Variants in IGFBP2 observed in about 807,000 individuals in gnomAD.
The protein encoded by IGFBP2 is insulin like growth factor binding protein 2.
IGFBP2 carries 12 observed loss-of-function variants against 26.2 expected under a neutral mutation model. That is an observed-to-expected ratio of 0.46 (90% CI 0.29 to 0.74). IGFBP2 has a LOEUF of 0.74. IGFBP2 is among the 30% of genes least tolerant of loss of function. The probability of loss-of-function intolerance (pLI) is 0.09; values close to 1 mark genes in which losing one functional copy is unlikely to be tolerated. For synonymous variants in IGFBP2, 189 were observed against 200.6 expected (o/e 0.94, Z 0.49); for missense variants, 328 against 441.2 (o/e 0.74, Z 2.30).
chr2:216,645,901 C>T (rs769618598), intron 1 of IGFBP2, among the ~76,000 whole-genome samples: 14 of 152,150 alleles, frequency 9.2e-5, no homozygotes, highest in Non-Finnish European at 1.6e-4. Flanking sequence ...ATTTATGCCC[C>T]AGAAGTTAGG....
intron 1 of IGFBP2, among the ~76,000 whole-genome samples, chr2:216,639,250 G>A (rs950323142): frequency 2.6e-5 from 4 of 151,810 alleles, no homozygotes; most frequent in Non-Finnish European, 5.9e-5. Context: ...GGCCAGGTTG[G>A]TCTCAAACTC....
chr2:216,647,811 C>CAT (rs1697744329), intron 1 of IGFBP2, among the ~76,000 whole-genome samples: 2 of 152,126 alleles, frequency 1.3e-5, no homozygotes, highest in African/African-American at 2.4e-5. Context: ...TGAGCCACTG[C>CAT]GCCCGGCCCT....
At chr2:216,639,762 C>T (rs553662211) in intron 1 of IGFBP2, among the ~76,000 whole-genome samples, 4 of 152,134 alleles carry the variant, frequency 2.6e-5, no homozygotes, top group African/African-American at 9.6e-5. Flanking sequence ...CCTGCCTCAG[C>T]CCCCCAAGTA....
At chr2:216,661,782 C>A in intron 2 of IGFBP2, 76 bp from the exon 3 acceptor site, 2 of 1,564,198 alleles carry the variant, frequency 1.3e-6, no homozygotes, top group Non-Finnish European at 1.8e-6. Context: ...CAGCTTCTCG[C>A]TGAGCTTGCG....
chr2:216,647,589 G>A (rs551525654), intron 1 of IGFBP2, among the ~76,000 whole-genome samples: 4 of 151,994 alleles, frequency 2.6e-5, no homozygotes, highest in Admixed American at 6.6e-5. Flanking sequence ...GCGTGATCTC[G>A]GCTTACCGCA....
chr2:216,660,754 G>A lies in IGFBP2; in HGVS notation c.640G>A (p.Glu214Lys), dbSNP rs774248084. 16 of 1,608,472 alleles carry A rather than the reference G, an allele frequency of 9.9e-6. No individual in the cohort carries two copies. Among genetic ancestry groups the A allele is most frequent in the Non-Finnish European group, 1.3e-5 (15 of 1,177,842 alleles). Residue 214 changes from glutamate (E) to lysine (K), a missense_variant, in exon 2 of 4, where the codon GAG (glutamate) becomes AAG (lysine). Glu to Lys is a moderately conservative substitution (Grantham distance 56). Transcript: ENST00000233809. ...KGGKHHLGLEEPKKLRPPPAR... is the reference protein window; with the variant it reads ...KGGKHHLGLEKPKKLRPPPAR... ...TGGCAAGCATCACCTTGGCCTGGAG[G>A]AGCCCAAGAAGCTGCGACCACCCCC...
chr2:216,656,711 G>A (rs979480384), intron 1 of IGFBP2, among the ~76,000 whole-genome samples: 3 of 152,022 alleles, frequency 2.0e-5, no homozygotes, highest in Admixed American at 6.5e-5. Flanking sequence ...TGCCTTTCCC[G>A]TCTCCAACCA....
chr2:216,651,104 A>G (rs1697814602), intron 1 of IGFBP2, among the ~76,000 whole-genome samples: 1 of 152,180 alleles, frequency 6.6e-6, no homozygotes, highest in Non-Finnish European at 1.5e-5. Context: ...TTTGAAAAAA[A>G]AAGTCAGGGG....
chr2:216,645,235 G>C (rs568203978), intron 1 of IGFBP2, among the ~76,000 whole-genome samples: 1 of 152,288 alleles, frequency 6.6e-6, no homozygotes, highest in South Asian at 2.1e-4. Context: ...GGATAAAGGG[G>C]GTGGGGGTAG....
chr2:216,644,469 G>A (rs930087961), intron 1 of IGFBP2, among the ~76,000 whole-genome samples: 1 of 152,132 alleles, frequency 6.6e-6, no homozygotes. Flanking sequence ...AAAGGGAAGA[G>A]GGGGACTGAG....
At chr2:216,660,449 C>T (rs1026863191) in intron 1 of IGFBP2, 108 bp from the exon 2 acceptor site, 8 of 746,038 alleles carry the variant, frequency 1.1e-5, no homozygotes, top group East Asian at 2.7e-5. Context: ...ACTCATTAGC[C>T]GCGCGTCATC....
At chr2:216,637,723 G>A (rs761152058) in intron 1 of IGFBP2, among the ~76,000 whole-genome samples, 2 of 152,226 alleles carry the variant, frequency 1.3e-5, no homozygotes, top group Non-Finnish European at 2.9e-5. Flanking sequence ...TTGTATTCCC[G>A]AGGGTCTGCC....
chr2:216,655,434 G>T (rs1260801358), intron 1 of IGFBP2, among the ~76,000 whole-genome samples: 1 of 152,120 alleles, frequency 6.6e-6, no homozygotes. Flanking sequence ...GCTTCACCTG[G>T]CACTTCTTCC....
chr2:216,661,627 G>A (rs1328318654), intron 2 of IGFBP2: 5 of 614,868 alleles, frequency 8.1e-6, no homozygotes, highest in Non-Finnish European at 1.5e-5. Context: ...AACAAGGAGA[G>A]GAGTGAACAT....
chr2:216,656,165 C>T (rs543514053), intron 1 of IGFBP2, among the ~76,000 whole-genome samples: 1 of 152,256 alleles, frequency 6.6e-6, no homozygotes, highest in South Asian at 2.1e-4. Context: ...AGAGGGCCTT[C>T]TTCTGAGGAT....
chr2:216,641,688 A>AT lies in IGFBP2; in HGVS notation c.442+7743dup, dbSNP rs71401159. 9.0e-3 allele frequency among the ~76,000 whole-genome samples: 1,204 copies of AT among 133,376 alleles called. 3 individuals are homozygous for AT. Among genetic ancestry groups the AT allele is most frequent in the African/African-American group, 0.014 (504 of 35,774 alleles). 87.5% of individuals were successfully genotyped at this position (133,376 alleles called of 152,430 possible). On this transcript the variant is annotated intron_variant, in intron 1 of 3. Coordinates refer to ENST00000233809, the MANE Select transcript of IGFBP2 (RefSeq NM_000597.3). ...AACGGTTGGAGACCATCGGGCTTGC[A>AT]TTTTTTTTTTTTTTTTTTTTAGACA...
intron 1 of IGFBP2, among the ~76,000 whole-genome samples, chr2:216,644,542 G>A (rs1379022246): frequency 6.6e-6 from 1 of 152,140 alleles, no homozygotes; most frequent in African/African-American, 2.4e-5. Flanking sequence ...CATCCTATTA[G>A]AAGTTGAGAA....
At chr2:216,635,736 T>C (rs1454750360) in intron 1 of IGFBP2, among the ~76,000 whole-genome samples, 1 of 152,162 alleles carries the variant, frequency 6.6e-6, no homozygotes, top group Non-Finnish European at 1.5e-5. Context: ...CCATTCACTT[T>C]TCCCTGGAGC....
At chr2:216,660,002 A>G (rs919655276) in intron 1 of IGFBP2, among the ~76,000 whole-genome samples, 6 of 152,164 alleles carry the variant, frequency 3.9e-5, no homozygotes, top group Admixed American at 1.3e-4. Context: ...CCTTTGCCAT[A>G]TATGCTGCAG....
Sources: allele counts gnomAD v4.1 joint callset (sites outside exome capture counted in the v4.1 genomes callset), GRCh38; gene constraint gnomAD v4.1.1; transcripts MANE v1.5; gene names NCBI Gene and HGNC (gene_info 2026-07-23, HGNC 2026-07-21).